The following RABGAP1L variants were observed in gnomAD, a reference collection of about 807,000 sequenced individuals.
The protein encoded by RABGAP1L is rab GTPase-activating protein 1-like.
RABGAP1L carries 63 observed loss-of-function variants against 137.7 expected under a neutral mutation model. The observed-to-expected ratio is 0.46, with a 90% CI of 0.37 to 0.56. The LOEUF is 0.56. Among genes scored for constraint, RABGAP1L ranks in the 20% least tolerant of loss-of-function variants. RABGAP1L has a pLI of 0.00. For missense variants in RABGAP1L, 1,095 were observed against 1,244.0 expected (o/e 0.88, Z 1.80); for synonymous variants, 431 against 433.7 (o/e 0.99, Z 0.08).
chr1:174,472,488 A>G (rs1485736809), intron 13 of RABGAP1L, among the ~76,000 whole-genome samples: 2 of 152,214 alleles, frequency 1.3e-5, no homozygotes, highest in African/African-American at 4.8e-5. Context: ...TATAGTCCTC[A>G]TTGCTATATT....
At position 174,701,743 on chromosome 1, in the gene RABGAP1L, CAAAAA is replaced by C. The variant is rs34027614; in HGVS notation, c.2026-356_2026-352del. ...GGATGACAGAGCAAGACTCTTATCT[CAAAAA>C]AAAAAAAAAAAAATTTAACCCTGAA... On this transcript the variant is annotated intron_variant, in intron 16 of 25. Transcript: ENST00000681986. Among the ~76,000 whole-genome samples, 4 of 133,166 alleles carry C rather than the reference CAAAAA, an allele frequency of 3.0e-5. No homozygotes were observed. In the South Asian group the frequency reaches 1.0e-3, roughly 34 times the overall value. The allele number at this position is 133,166 out of a possible 152,430, so 87.4% of individuals were successfully genotyped here.
chr1:174,909,178 C>CAA (rs200560738), intron 19 of RABGAP1L, among the ~76,000 whole-genome samples: 56 of 107,302 alleles, frequency 5.2e-4, no homozygotes, highest in South Asian at 3.3e-3. Context: ...GACTCTATCT[C>CAA]AAAAAAAAAA....
intron 13 of RABGAP1L, among the ~76,000 whole-genome samples, chr1:174,399,331 G>A (rs1449521416): frequency 1.3e-5 from 2 of 152,110 alleles, no homozygotes; most frequent in Non-Finnish European, 2.9e-5. Flanking sequence ...AGTGGAAAGG[G>A]CATGAACACT....
chr1:174,926,935 T>A (rs930829757), intron 19 of RABGAP1L, among the ~76,000 whole-genome samples: 8 of 152,016 alleles, frequency 5.3e-5, no homozygotes. Context: ...TAGCCAGGCG[T>A]GGTGGCACAC....
At chr1:174,655,460 C>T (rs1297905598) in intron 14 of RABGAP1L, among the ~76,000 whole-genome samples, 2 of 152,102 alleles carry the variant, frequency 1.3e-5, no homozygotes, top group Non-Finnish European at 2.9e-5. Context: ...TTGGCAGGAA[C>T]AACACGGAAA....
At chr1:174,705,858 A>C (rs1410534231) in intron 17 of RABGAP1L, 1 of 152,220 alleles carries the variant, frequency 6.6e-6, no homozygotes, top group Non-Finnish European at 1.5e-5. Context: ...TGGTAAACAC[A>C]GTCTTAAATA....
At chr1:174,309,427 G>C (rs1041585096) in intron 11 of RABGAP1L, among the ~76,000 whole-genome samples, 2 of 152,054 alleles carry the variant, frequency 1.3e-5, no homozygotes, top group East Asian at 3.9e-4. Flanking sequence ...TCCTTGTCTT[G>C]TTCTGAATCT....
intron 15 of RABGAP1L, among the ~76,000 whole-genome samples, chr1:174,687,863 T>C (rs533956749): frequency 6.6e-6 from 1 of 152,228 alleles, no homozygotes; most frequent in Non-Finnish European, 1.5e-5. Context: ...AATGAAAGTA[T>C]GTTCAAAAAC....
intron 13 of RABGAP1L, among the ~76,000 whole-genome samples, chr1:174,562,704 AGT>A (rs1667305091): frequency 6.6e-6 from 1 of 152,122 alleles, no homozygotes. Context: ...GTCCTTTGCA[AGT>A]ACATGGATGA....
intron 13 of RABGAP1L, among the ~76,000 whole-genome samples, chr1:174,527,492 T>C (rs1370691817): frequency 6.6e-6 from 1 of 152,110 alleles, no homozygotes; most frequent in African/African-American, 2.4e-5. Flanking sequence ...AGGCGTGAGC[T>C]ACCATGCCTG....
At chr1:174,921,409 A>G (rs544468824) in intron 19 of RABGAP1L, among the ~76,000 whole-genome samples, 36 of 152,170 alleles carry the variant, frequency 2.4e-4, no homozygotes, top group Non-Finnish European at 4.3e-4. Context: ...TTTGTTTTTT[A>G]TAGACCTACA....
intron 19 of RABGAP1L, among the ~76,000 whole-genome samples, chr1:174,848,515 G>A (rs1431064249): frequency 6.0e-5 from 9 of 149,376 alleles, no homozygotes; most frequent in Admixed American, 5.3e-4. Flanking sequence ...CCCCTGCTGG[G>A]GGGTGCCTCC....
chr1:174,651,360 G>T (rs969920112), intron 14 of RABGAP1L, among the ~76,000 whole-genome samples: 2 of 152,170 alleles, frequency 1.3e-5, no homozygotes, highest in African/African-American at 4.8e-5. Flanking sequence ...TCTGCTTGGT[G>T]CAGAGCTCAG....
chr1:174,590,348 AT>A (rs1235238656), intron 13 of RABGAP1L, among the ~76,000 whole-genome samples: 1 of 101,502 alleles, frequency 9.9e-6, no homozygotes, highest in African/African-American at 3.7e-5. Flanking sequence ...TTTTTTTTTT[AT>A]TTATTTTTTT....
intron 13 of RABGAP1L, among the ~76,000 whole-genome samples, chr1:174,458,149 A>G (rs535545840): frequency 6.6e-6 from 1 of 152,236 alleles, no homozygotes; most frequent in South Asian, 2.1e-4. Context: ...GGAGCTGACA[A>G]ATTACAGTCC....
chr1:174,490,459 T>C (rs1660111537), intron 13 of RABGAP1L, among the ~76,000 whole-genome samples: 1 of 152,188 alleles, frequency 6.6e-6, no homozygotes, highest in Admixed American at 6.5e-5. Context: ...TTGAGCTGCC[T>C]GGAGCTGTGG....
chr1:174,255,300 A>G (rs1026415467), intron 7 of RABGAP1L, among the ~76,000 whole-genome samples: 1 of 152,206 alleles, frequency 6.6e-6, no homozygotes, highest in Non-Finnish European at 1.5e-5. Context: ...ATATGATTAT[A>G]TTTTGCATAC....
intron 19 of RABGAP1L, among the ~76,000 whole-genome samples, chr1:174,819,576 C>A (rs1462005233): frequency 6.6e-6 from 1 of 152,154 alleles, no homozygotes; most frequent in Non-Finnish European, 1.5e-5. Context: ...GGAACCTGAC[C>A]TTGACTCAAT....
At chr1:174,419,336 C>T (rs973857377) in intron 13 of RABGAP1L, among the ~76,000 whole-genome samples, 2 of 152,188 alleles carry the variant, frequency 1.3e-5, no homozygotes, top group Non-Finnish European at 2.9e-5. Context: ...GTCAACACTA[C>T]TACTAGTTAG....
Sources: allele counts gnomAD v4.1 joint callset (sites outside exome capture counted in the v4.1 genomes callset), GRCh38; gene constraint gnomAD v4.1.1; transcripts MANE v1.5; gene names NCBI Gene and HGNC (gene_info 2026-07-23, HGNC 2026-07-21).